Variants in GXYLT1 observed in about 807,000 individuals in gnomAD.
GXYLT1 encodes glycosyltransferase 8 domain containing 3.
A neutral mutation model predicts 54.0 loss-of-function variants in GXYLT1; 29 were observed. The observed-to-expected ratio is 0.54, with a 90% confidence interval of 0.40 to 0.73. GXYLT1 has a LOEUF of 0.73. Among genes scored for constraint, GXYLT1 ranks in the 30% least tolerant of loss-of-function variants. GXYLT1 has a pLI of 0.00. For missense variants in GXYLT1, 490 were observed against 553.4 expected (o/e 0.89, Z 1.15); for synonymous variants, 176 against 204.1 (o/e 0.86, Z 1.17).
rs2065440410 is a variant in GXYLT1, at chr12:42,109,619, C to T, written c.559G>A (p.Ala187Thr). ...YPITFPSENA[A>T]EWKKLFKPCA... is the part of the protein sequence containing the mutation. Reference sequence around the variant, plus strand: ...GGTTTAAAGAGTTTTTTCCACTCTGCTGCATTCTCACTTGGAAAGGTTATG... The same window carrying T: ...GGTTTAAAGAGTTTTTTCCACTCTGTTGCATTCTCACTTGGAAAGGTTATG... The change falls in exon 4 of 8, where the codon GCA (alanine) becomes ACA (threonine). Residue 187 changes from alanine to threonine, a missense_variant. By Grantham distance (58) the Ala-to-Thr change is moderately conservative. Coordinates refer to ENST00000398675, the MANE Select transcript of GXYLT1 (RefSeq NM_173601.2). The T allele has an allele frequency of 6.3e-7, 1 of 1,597,884 alleles. No individual in the cohort carries two copies.
chr12:42,124,240 T>C (rs2065547768), intron 2 of GXYLT1, among the ~76,000 whole-genome samples: 1 of 151,916 alleles, frequency 6.6e-6, no homozygotes, highest in Non-Finnish European at 1.5e-5. Context: ...CTAAAATCAA[T>C]TCCCACCATA....
chr12:42,111,922 A>G (rs1043859486), intron 3 of GXYLT1, among the ~76,000 whole-genome samples: 5 of 152,086 alleles, frequency 3.3e-5, no homozygotes, highest in African/African-American at 1.2e-4. Flanking sequence ...ACAGCCAGGT[A>G]CTCCTCTGAG....
At chr12:42,089,040 TG>T (rs2065313918) in intron 7 of GXYLT1, among the ~76,000 whole-genome samples, 1 of 151,876 alleles carries the variant, frequency 6.6e-6, no homozygotes, top group Admixed American at 6.6e-5. Flanking sequence ...CAAGAAAAAC[TG>T]TAAGCATTAA....
At chr12:42,090,191 T>A (rs1162569274) in intron 7 of GXYLT1, among the ~76,000 whole-genome samples, 1 of 152,146 alleles carries the variant, frequency 6.6e-6, no homozygotes, top group African/African-American at 2.4e-5. Context: ...CTGCCCATCA[T>A]ATGAAAAAAG....
In GXYLT1 at chr12:42,139,121, A is replaced by G. The variant is rs554836023; in HGVS notation, c.221+5305T>C. On this transcript the variant is annotated intron_variant, in intron 1 of 7. Transcript: ENST00000398675. ...TAAGGTGGGAGGATCACTTGAGCCC[A>G]GAAGGTCAAGGCTGCAGTGAGCCAT... 1.5e-4 allele frequency among the ~76,000 whole-genome samples: 23 copies of G among 152,080 alleles called. 1 individual carries two copies. The East Asian group carries it at 4.4e-3, about 29-fold the overall frequency.
At chr12:42,090,188 T>A (rs1012308139) in intron 7 of GXYLT1, among the ~76,000 whole-genome samples, 9 of 152,140 alleles carry the variant, frequency 5.9e-5, no homozygotes, top group African/African-American at 2.2e-4. Context: ...TTTCTGCCCA[T>A]CATATGAAAA....
At chr12:42,097,712 G>C (rs1314220601) in intron 6 of GXYLT1, 98 bp from the exon 7 acceptor site, 5 of 1,185,240 alleles carry the variant, frequency 4.2e-6, no homozygotes, top group Non-Finnish European at 4.8e-6. Context: ...GCTCTTACAA[G>C]TAAGAATTAA....
At chr12:42,130,972 T>C (rs2065591014) in intron 1 of GXYLT1, among the ~76,000 whole-genome samples, 1 of 151,940 alleles carries the variant, frequency 6.6e-6, no homozygotes, top group Non-Finnish European at 1.5e-5. Context: ...AAAAAAAATT[T>C]TTAACCACCC....
rs1216172101 is a variant in GXYLT1 at position 42,119,026 on chromosome 12, G to C, written c.460C>G (p.Gln154Glu). 3 of 1,613,848 alleles carry C rather than the reference G, an allele frequency of 1.9e-6. No individual in the cohort carries two copies. The South Asian group carries it at 3.3e-5, about 18-fold the overall frequency. The change falls in exon 3 of 8, where the codon CAG (glutamine) becomes GAG (glutamate). Residue 154 changes from glutamine to glutamate, a missense_variant. Around this residue, in one of 2 missense-constraint regions of GXYLT1, gnomAD observed 342 missense variants for 342.6 expected, o/e 1.00. Coordinates refer to ENST00000398675, the MANE Select transcript of GXYLT1 (RefSeq NM_173601.2). ...CTGCCTTTAAAGCTATGATGTAGCT[G>C]ATCTTCAGCAAAAATATGGAATTGA... is the stretch of plus-strand genomic sequence containing the variant. ...PLQFHIFAEDQLHHSFKGRLD... is the reference protein window; with the variant it reads ...PLQFHIFAEDELHHSFKGRLD...
chr12:42,102,083 A>C (rs2065393289), intron 5 of GXYLT1, among the ~76,000 whole-genome samples: 1 of 152,242 alleles, frequency 6.6e-6, no homozygotes, highest in Non-Finnish European at 1.5e-5. Flanking sequence ...AAATTTAGCA[A>C]ACCTATGACC....
At chr12:42,127,666 G>T (rs2065571340) in intron 2 of GXYLT1, among the ~76,000 whole-genome samples, 1 of 152,190 alleles carries the variant, frequency 6.6e-6, no homozygotes, top group South Asian at 2.1e-4. Flanking sequence ...TTACAAAAGG[G>T]TCTGGGTTGT....
intron 2 of GXYLT1, among the ~76,000 whole-genome samples, chr12:42,125,561 G>A (rs927429712): frequency 6.6e-6 from 1 of 152,188 alleles, no homozygotes; most frequent in East Asian, 1.9e-4. Flanking sequence ...GGTCTCAAAA[G>A]CCAGAGGCTA....
At chr12:42,135,034 C>T (rs1187919137) in intron 1 of GXYLT1, among the ~76,000 whole-genome samples, 1 of 152,200 alleles carries the variant, frequency 6.6e-6, no homozygotes, top group Admixed American at 6.5e-5. Flanking sequence ...ATGGGCCTTG[C>T]CTGCCTGATA....
intron 7 of GXYLT1, among the ~76,000 whole-genome samples, chr12:42,096,785 TGTGGA>T (rs1443268641): frequency 6.6e-6 from 1 of 152,070 alleles, no homozygotes; most frequent in Non-Finnish European, 1.5e-5. Context: ...ATAACTACAC[TGTGGA>T]GAAAATAAAT....
chr12:42,107,720 G>T (rs571952310), intron 4 of GXYLT1, among the ~76,000 whole-genome samples: 10 of 152,148 alleles, frequency 6.6e-5, no homozygotes, highest in African/African-American at 2.4e-4. Context: ...GAGGGGGCTG[G>T]GTGGAGTCTG....
At chr12:42,144,339 A>T in intron 1 of GXYLT1, 87 bp downstream of exon 1, 1 of 806,602 alleles carries the variant, frequency 1.2e-6, no homozygotes, top group African/African-American at 1.9e-5. Flanking sequence ...GAGACGCGGC[A>T]CCCACCGGCG....
At chr12:42,112,159 A>G (rs2065461519) in intron 3 of GXYLT1, among the ~76,000 whole-genome samples, 2 of 152,186 alleles carry the variant, frequency 1.3e-5, no homozygotes, top group South Asian at 4.1e-4. Flanking sequence ...ACCATCATCA[A>G]AGACCAAAGG....
At chr12:42,126,952 T>C (rs1489538148) in intron 2 of GXYLT1, among the ~76,000 whole-genome samples, 1 of 152,038 alleles carries the variant, frequency 6.6e-6, no homozygotes, top group African/African-American at 2.4e-5. Context: ...TATGATGATA[T>C]GAATGATGAA....
chr12:42,122,967 G>C (rs11610892), intron 2 of GXYLT1, among the ~76,000 whole-genome samples: 21,802 of 151,868 alleles, frequency 0.14, 1,690 homozygotes, highest in Non-Finnish European at 0.18. Context: ...CAGTAATCCT[G>C]CCAAAAATCC....
Sources: gnomAD v4.1 joint callset for allele counts (sites outside exome capture counted in the v4.1 genomes callset) on GRCh38, gnomAD v4.1.1 for gene constraint, gnomAD v4.1.1 regional missense constraint, MANE v1.5 for transcripts, NCBI Gene and HGNC (gene_info 2026-07-23, HGNC 2026-07-21) for gene names.